The following NBPF20 variants were observed in gnomAD, a reference collection of about 807,000 sequenced individuals.
NBPF20 encodes NBPF family member NBPF20.
NBPF20 carries 90 observed loss-of-function variants against 68.1 expected under a neutral mutation model. The observed-to-expected ratio is 1.32, with a 90% CI of 1.11 to 1.58. NBPF20 has a LOEUF of 1.58. NBPF20 is among the 40% of genes most tolerant of loss of function. The probability of loss-of-function intolerance (pLI) is 0.00; values close to 1 mark genes in which losing one functional copy is unlikely to be tolerated. For synonymous variants in NBPF20, 290 were observed against 228.1 expected (o/e 1.27, Z -2.45); for missense variants, 816 against 601.2 (o/e 1.36, Z -3.74).
exon 4 of NBPF20, chr1:145,402,278 G>C: frequency 6.2e-7 from 1 of 1,610,364 alleles, no homozygotes; most frequent in Non-Finnish European, 8.5e-7. Context: ...AGGAGGGCCT[G>C]GAGATGCTCA....
chr1:145,421,202 T>C, the NBPF20 span, among the ~76,000 whole-genome samples: 1 of 152,056 alleles, frequency 6.6e-6, no homozygotes, highest in South Asian at 2.1e-4. Flanking sequence ...AAGAATTCGA[T>C]TCTTTCTGTT....
intron 9 of NBPF20, 189 bp downstream of exon 14, chr1:145,393,695 A>T: frequency 6.9e-7 from 1 of 1,444,828 alleles, no homozygotes; most frequent in South Asian, 1.2e-5. Context: ...AGGTTAGTAA[A>T]TGATAAGGGT....
At chr1:145,424,251 C>T in the NBPF20 span, among the ~76,000 whole-genome samples, 2 of 150,288 alleles carry the variant, frequency 1.3e-5, no homozygotes, top group African/African-American at 4.9e-5. Context: ...GCTGGGATTA[C>T]AGGTGTGATC....
chr1:145,406,147 C>G (rs78813306), upstream of NBPF20, among the ~76,000 whole-genome samples: 3 of 145,954 alleles, frequency 2.1e-5, no homozygotes, highest in African/African-American at 5.1e-5. Context: ...GTGTTAGCCA[C>G]GATGGTCTCG....
Position 145,291,551 on chromosome 1 carries a change from T to G in NBPF20, c.16916A>C (p.Gln5639Pro), listed in dbSNP as rs781907982. Residue 5639 changes from glutamine (Q) to proline (P), a missense_variant, in exon 138 of 138, where the codon CAG becomes CCG. Gln to Pro is a moderately conservative substitution (Grantham distance 76, BLOSUM62 -1). Transcript: ENST00000369373. ...TTATTGTGGGAATATGACTCCCATC[T>G]GGAACACCAGGTGGAGACTTGTCAC... 1.3e-5 allele frequency: 21 copies of G among 1,611,924 alleles called. 1 individual carries two copies. The highest frequency in any genetic ancestry group is 2.2e-5 in the South Asian group (2 of 90,996).
rs1661856912 is a variant in NBPF20 at position 145,377,995 on chromosome 1, C to G, written c.3464+48G>C. The G allele has an allele frequency of 1.2e-5, 6 of 510,634 alleles. 1 individual carries two copies. Among genetic ancestry groups the G allele is most frequent in the Non-Finnish European group, 1.4e-5 (4 of 294,480 alleles). 31.6% of individuals were successfully genotyped at this position (510,634 alleles called of 1,614,324 possible). On this transcript the variant is annotated intron_variant, in intron 29 of 137. Transcript: ENST00000369373. ...CTCTTGTTTTCCCTGGACCTGGCAT[C>G]TCCAGGTGTCGACACAGAATTAAGC... is the stretch of plus-strand genomic sequence containing the variant.
chr1:145,311,784 C>A (rs1263079426), intron 112 of NBPF20, among the ~76,000 whole-genome samples: 2 of 74,728 alleles, frequency 2.7e-5, no homozygotes, highest in Non-Finnish European at 4.7e-5. Flanking sequence ...GCAAATGCCC[C>A]CAAATGGTTG....
chr1:145,421,252 G>A, the NBPF20 span, among the ~76,000 whole-genome samples: 1 of 152,192 alleles, frequency 6.6e-6, no homozygotes, highest in Non-Finnish European at 1.5e-5. Flanking sequence ...ATGCTTCTTT[G>A]GAATCGCATC....
At chr1:145,394,133 A>C (rs1402177940) in intron 8 of NBPF20, among the ~76,000 whole-genome samples, 198 bp from the exon 14 acceptor site, 1 of 152,008 alleles carries the variant, frequency 6.6e-6, no homozygotes, top group Non-Finnish European at 1.5e-5. Flanking sequence ...CCTTGGGCAA[A>C]ATTCCCCTGT....
chr1:145,291,651 T>A, exon 138 of NBPF20: 4 of 1,611,924 alleles, frequency 2.5e-6, no homozygotes, highest in Non-Finnish European at 8.5e-7. Flanking sequence ...TAAAACACAC[T>A]TCTGTAGTGC....
the NBPF20 span, among the ~76,000 whole-genome samples, chr1:145,423,999 A>G: frequency 5.3e-4 from 77 of 146,606 alleles, no homozygotes; most frequent in Admixed American, 1.0e-3. Flanking sequence ...TTTTGGAGAC[A>G]GGGTCTCACT....
In NBPF20 at chr1:145,377,975, G is replaced by C. The variant is rs1485394767; in HGVS notation, c.3464+68C>G. ...AAAACATGAAATTGAACACACTCTT[G>C]TTTTCCCTGGACCTGGCATCTCCAG... On this transcript the variant is annotated intron_variant, in intron 29 of 137. Transcript: ENST00000369373. 12 of 468,222 alleles carry C rather than the reference G, an allele frequency of 2.6e-5. 1 individual carries two copies. The highest frequency in any genetic ancestry group is 1.2e-4 in the Admixed American group (3 of 25,632). 29.0% of individuals were successfully genotyped at this position (468,222 alleles called of 1,614,324 possible).
At chr1:145,410,347 C>A (rs1451638519), upstream of NBPF20, among the ~76,000 whole-genome samples, 1 of 149,410 alleles carries the variant, frequency 6.7e-6, no homozygotes, top group African/African-American at 2.5e-5. Flanking sequence ...CGGAGTCTCG[C>A]TCTGTCGCCC....
the NBPF20 span, among the ~76,000 whole-genome samples, chr1:145,423,810 A>G: frequency 6.6e-6 from 1 of 152,162 alleles, no homozygotes; most frequent in Admixed American, 6.5e-5. Flanking sequence ...TCCCTGCTAA[A>G]TGGTACAATC....
the NBPF20 span, among the ~76,000 whole-genome samples, chr1:145,415,345 G>T: frequency 1.3e-5 from 2 of 151,556 alleles, no homozygotes; most frequent in Admixed American, 1.3e-4. Context: ...GGACGAGCCG[G>T]AGACAGATGC....
At chr1:145,393,324 A>T (rs1167423021) in intron 9 of NBPF20, 78 bp from the exon 15 acceptor site, 2 of 683,204 alleles carry the variant, frequency 2.9e-6, no homozygotes, top group South Asian at 3.4e-5. Flanking sequence ...TTCATGGCTA[A>T]CGTAAGGAAG....
At chr1:145,409,767 T>C (rs1462455481), upstream of NBPF20, among the ~76,000 whole-genome samples, 2 of 151,960 alleles carry the variant, frequency 1.3e-5, no homozygotes, top group Non-Finnish European at 2.9e-5. Context: ...GACTTATAGA[T>C]TAAAAGAAGT....
At chr1:145,309,445 GACACACAC>G (rs1302412073) in intron 115 of NBPF20, among the ~76,000 whole-genome samples, 197 bp from the exon 121 acceptor site, 31 of 44,402 alleles carry the variant, frequency 7.0e-4, no homozygotes, top group Non-Finnish European at 1.3e-3. Flanking sequence ...AAGACAGATA[GACACACAC>G]ACACACACAC....
chr1:145,399,808 G>A (rs1219343326), intron 6 of NBPF20, among the ~76,000 whole-genome samples: 2 of 130,496 alleles, frequency 1.5e-5, no homozygotes, highest in Non-Finnish European at 3.2e-5. Context: ...AATCCACGAT[G>A]CTACAAAGAA....
Sources: gnomAD v4.1 joint callset for allele counts (sites outside exome capture counted in the v4.1 genomes callset) on GRCh38, gnomAD v4.1.1 for gene constraint, MANE v1.5 for transcripts, NCBI Gene and HGNC (gene_info 2026-07-23, HGNC 2026-07-21) for gene names.